Variants in PDE4B observed in about 807,000 individuals in gnomAD.
PDE4B encodes phosphodiesterase 4B, also known as 3',5'-cyclic-AMP phosphodiesterase 4B.
In PDE4B, 20 loss-of-function variants were observed where a neutral mutation model predicts 82.2. The observed-to-expected ratio is 0.24, with a 90% confidence interval of 0.17 to 0.35. The LOEUF (loss-of-function observed/expected upper bound fraction) is 0.35. Among genes scored for constraint, PDE4B ranks in the 10% least tolerant of loss-of-function variants. The probability of loss-of-function intolerance (pLI) is 1.00; values close to 1 mark genes in which losing one functional copy is unlikely to be tolerated. For missense variants in PDE4B, 655 were observed against 907.2 expected (o/e 0.72, Z 3.57); for synonymous variants, 320 against 318.9 (o/e 1.00, Z -0.04).
intron 3 of PDE4B, among the ~76,000 whole-genome samples, chr1:66,131,590 C>CATAT (rs1645944622): frequency 3.1e-4 from 5 of 15,952 alleles, no homozygotes; most frequent in Admixed American, 9.0e-4. Context: ...TTCTGAATGC[C>CATAT]AGATATATAT....
intron 1 of PDE4B, among the ~76,000 whole-genome samples, chr1:65,811,764 TAGTA>T (rs1466743031): frequency 3.9e-5 from 6 of 152,170 alleles, no homozygotes; most frequent in Non-Finnish European, 7.3e-5. Flanking sequence ...ATATTAATGA[TAGTA>T]AGGTGGCTTG....
rs1646770467 is a variant in PDE4B, at chr1:65,885,920, T to A, written c.-70-27325T>A. Among the ~76,000 whole-genome samples the A allele has an allele frequency of 2.0e-5, 3 of 150,148 alleles. No homozygotes were observed. The Admixed American group carries it at 2.0e-4, about 10-fold the overall frequency. On this transcript the variant is annotated intron_variant, in intron 1 of 16. Transcript: ENST00000341517. ...ATAGCATCCCTTGCTGTGTTAAGAA[T>A]TCTGTAGATCTGTGCTGGCTAATAA...
At chr1:66,329,165 C>T (rs1659936893) in intron 7 of PDE4B, among the ~76,000 whole-genome samples, 1 of 152,110 alleles carries the variant, frequency 6.6e-6, no homozygotes, top group Admixed American at 6.5e-5. Context: ...CTGTGAGGGT[C>T]TGCACTCACC....
intron 12 of PDE4B, 116 bp downstream of exon 12, chr1:66,363,687 G>A (rs1663001065): frequency 3.8e-6 from 3 of 792,744 alleles, no homozygotes; most frequent in Non-Finnish European, 5.8e-6. Context: ...TGAGTTGGGA[G>A]GATTGCTTGA....
intron 7 of PDE4B, among the ~76,000 whole-genome samples, chr1:66,326,959 A>T (rs1266838694): frequency 6.6e-6 from 1 of 152,192 alleles, no homozygotes; most frequent in Non-Finnish European, 1.5e-5. Flanking sequence ...CAGTGTAGTC[A>T]TAAGATTACA....
At chr1:66,183,780 A>G (rs1045123345) in intron 3 of PDE4B, among the ~76,000 whole-genome samples, 3 of 152,198 alleles carry the variant, frequency 2.0e-5, no homozygotes, top group Non-Finnish European at 4.4e-5. Context: ...AAAGATACAT[A>G]AGATATAGTT....
intron 3 of PDE4B, among the ~76,000 whole-genome samples, chr1:65,960,231 G>A (rs1340732605): frequency 2.0e-5 from 3 of 152,030 alleles, no homozygotes; most frequent in Non-Finnish European, 4.4e-5. Context: ...TGACTGAGAA[G>A]GAAGTATTTG....
At chr1:66,008,675 A>T (rs1434087122) in intron 3 of PDE4B, among the ~76,000 whole-genome samples, 1 of 152,084 alleles carries the variant, frequency 6.6e-6, no homozygotes, top group Admixed American at 6.5e-5. Context: ...CCTCTCCTCC[A>T]GTCATCTTCT....
At chr1:66,055,251 T>C (rs1655235249) in intron 3 of PDE4B, among the ~76,000 whole-genome samples, 1 of 152,204 alleles carries the variant, frequency 6.6e-6, no homozygotes, top group South Asian at 2.1e-4. Flanking sequence ...TTAATTGTAT[T>C]GGAGGTTGGC....
intron 3 of PDE4B, among the ~76,000 whole-genome samples, chr1:65,931,714 CA>C (rs1374190293): frequency 6.6e-6 from 1 of 152,218 alleles, no homozygotes; most frequent in African/African-American, 2.4e-5. Context: ...TCAAATCCCA[CA>C]GGAAAATTCA....
intron 3 of PDE4B, among the ~76,000 whole-genome samples, chr1:66,124,973 G>A (rs1332189362): frequency 2.0e-5 from 3 of 151,524 alleles, no homozygotes; most frequent in Admixed American, 6.6e-5. Flanking sequence ...CCTGTCCAGG[G>A]CTGGTTCTCA....
intron 3 of PDE4B, among the ~76,000 whole-genome samples, chr1:66,015,857 G>A (rs1004258793): frequency 6.6e-6 from 1 of 152,146 alleles, no homozygotes; most frequent in African/African-American, 2.4e-5. Flanking sequence ...CATTGGTTTT[G>A]TATTGCATGG....
At chr1:66,019,711 A>G (rs1444960138) in intron 3 of PDE4B, among the ~76,000 whole-genome samples, 1 of 152,196 alleles carries the variant, frequency 6.6e-6, no homozygotes, top group African/African-American at 2.4e-5. Flanking sequence ...CCGGTATTCC[A>G]TAAGAGTTCC....
chr1:65,900,442 C>T (rs1224211397), intron 1 of PDE4B, among the ~76,000 whole-genome samples: 1 of 151,796 alleles, frequency 6.6e-6, no homozygotes, highest in African/African-American at 2.4e-5. Context: ...TATCTGGGCT[C>T]TTTTTTTAAT....
chr1:65,933,126 C>T (rs893612918), intron 3 of PDE4B, among the ~76,000 whole-genome samples: 9 of 152,014 alleles, frequency 5.9e-5, no homozygotes, highest in Admixed American at 4.6e-4. Flanking sequence ...ATGAAATGAA[C>T]GGAAAGAAAC....
chr1:65,902,497 T>C (rs79061079), intron 1 of PDE4B, among the ~76,000 whole-genome samples: 3 of 152,180 alleles, frequency 2.0e-5, no homozygotes, highest in African/African-American at 7.2e-5. Context: ...ACTTTCTTGA[T>C]GAAGCCTTCC....
intron 3 of PDE4B, among the ~76,000 whole-genome samples, chr1:66,009,956 CT>C (rs761524605): frequency 0.023 from 2,958 of 128,396 alleles, 72 homozygotes; most frequent in East Asian, 0.084. Flanking sequence ...TATCTATCAT[CT>C]ATCTATCTAA....
chr1:66,152,881 G>A (rs1399610333), intron 3 of PDE4B, among the ~76,000 whole-genome samples: 1 of 152,046 alleles, frequency 6.6e-6, no homozygotes, highest in Non-Finnish European at 1.5e-5. Context: ...TGGGAAATGT[G>A]TTTTTGCTCT....
chr1:66,125,224 C>T (rs1645798889), intron 3 of PDE4B, among the ~76,000 whole-genome samples: 1 of 147,790 alleles, frequency 6.8e-6, no homozygotes, highest in Admixed American at 6.8e-5. Context: ...AATGCAGTGG[C>T]GTGATCCTGG....
Sources: gnomAD v4.1 joint callset for allele counts (sites outside exome capture counted in the v4.1 genomes callset) on GRCh38, gnomAD v4.1.1 for gene constraint, MANE v1.5 for transcripts, NCBI Gene and HGNC (gene_info 2026-07-23, HGNC 2026-07-21) for gene names.